The following WDPCP variants were observed in gnomAD, a reference collection of about 807,000 sequenced individuals.
The protein encoded by WDPCP is WD repeat-containing and planar cell polarity effector protein fritz homolog.
Under a neutral mutation model 93.1 loss-of-function variants are expected in WDPCP, and 71 were observed. The ratio of observed to expected loss-of-function variants is 0.76; its 90% CI spans 0.63 to 0.93. The LOEUF is 0.93. Ranked by LOEUF, WDPCP falls within the 40% of genes least tolerant of loss-of-function variation. The pLI is 0.00. For synonymous variants in WDPCP, 315 were observed against 315.0 expected (o/e 1.00, Z 0.00); for missense variants, 844 against 887.4 (o/e 0.95, Z 0.62).
At chr2:63,689,284 T>G (rs1485592844) in intron 2 of WDPCP, among the ~76,000 whole-genome samples, 1 of 152,082 alleles carries the variant, frequency 6.6e-6, no homozygotes, top group African/African-American at 2.4e-5. Context: ...TCTCTGTAAA[T>G]TTTTCTTCAA....
chr2:63,180,108 G>A (rs1362454840), intron 14 of WDPCP, among the ~76,000 whole-genome samples: 2 of 152,152 alleles, frequency 1.3e-5, no homozygotes. Flanking sequence ...GCTAAATACT[G>A]TGAACACATG....
chr2:63,192,595 A>C (rs970450317), intron 14 of WDPCP, among the ~76,000 whole-genome samples: 4 of 152,246 alleles, frequency 2.6e-5, no homozygotes, highest in African/African-American at 9.6e-5. Flanking sequence ...GCTCTAAACC[A>C]ATATCTATTA....
chr2:63,662,784 G>A (rs1388805827), intron 2 of WDPCP, among the ~76,000 whole-genome samples: 1 of 152,192 alleles, frequency 6.6e-6, no homozygotes, highest in Non-Finnish European at 1.5e-5. Context: ...TTTCCTAGGT[G>A]TGTTTGCCAT....
At chr2:63,328,240 T>C (rs963925802) in intron 12 of WDPCP, among the ~76,000 whole-genome samples, 6 of 152,006 alleles carry the variant, frequency 3.9e-5, no homozygotes, top group African/African-American at 1.4e-4. Flanking sequence ...CAGCAGGATG[T>C]GGGTGGGCCC....
intron 14 of WDPCP, among the ~76,000 whole-genome samples, chr2:63,178,840 G>A (rs991022338): frequency 2.4e-4 from 36 of 151,872 alleles, no homozygotes; most frequent in Non-Finnish European, 4.3e-4. Flanking sequence ...TGTAAACATA[G>A]CCATAAACTT....
chr2:63,643,759 C>G (rs1710012408), intron 3 of WDPCP: 1 of 530,560 alleles, frequency 1.9e-6, no homozygotes, highest in Admixed American at 1.9e-5. Context: ...GACATTCTCT[C>G]CAGTCTTGTC....
intron 14 of WDPCP, among the ~76,000 whole-genome samples, chr2:63,221,459 C>T (rs952198598): frequency 2.6e-5 from 4 of 152,122 alleles, no homozygotes; most frequent in South Asian, 2.1e-4. Context: ...AGAGCCATTT[C>T]GATAAGCACA....
chr2:63,302,474 A>G (rs1211189856), intron 13 of WDPCP, among the ~76,000 whole-genome samples: 1 of 152,158 alleles, frequency 6.6e-6, no homozygotes, highest in Admixed American at 6.5e-5. Flanking sequence ...CTCTTTTATA[A>G]TGTTCTTCCA....
At chr2:63,782,844 T>C (rs1670415527) in intron 2 of WDPCP, among the ~76,000 whole-genome samples, 2 of 151,828 alleles carry the variant, frequency 1.3e-5, no homozygotes. Context: ...CCCTCAGGAA[T>C]GGAAAATGGA....
At chr2:63,292,742 G>C (rs1395926684) in intron 13 of WDPCP, among the ~76,000 whole-genome samples, 1 of 152,222 alleles carries the variant, frequency 6.6e-6, no homozygotes, top group Non-Finnish European at 1.5e-5. Context: ...GAAGATGACA[G>C]AGTAGAAAGC....
At chr2:63,296,210 C>A (rs1487222686) in intron 13 of WDPCP, among the ~76,000 whole-genome samples, 28 of 141,432 alleles carry the variant, frequency 2.0e-4, no homozygotes, top group South Asian at 4.5e-4. Context: ...TCAGTAGATG[C>A]AAAAAAAAAA....
chr2:63,231,348 G>C (rs1678861085), intron 14 of WDPCP, among the ~76,000 whole-genome samples: 1 of 152,074 alleles, frequency 6.6e-6, no homozygotes, highest in Non-Finnish European at 1.5e-5. Flanking sequence ...GGCAAGAGAA[G>C]GAAATAAAGA....
intron 17 of WDPCP, among the ~76,000 whole-genome samples, chr2:63,125,306 G>A (rs892532174): frequency 2.0e-5 from 3 of 152,178 alleles, no homozygotes; most frequent in Admixed American, 2.0e-4. Context: ...AGAAAGGAGT[G>A]TACTTAGAAC....
intron 3 of WDPCP, among the ~76,000 whole-genome samples, chr2:63,602,274 A>G (rs1709433127): frequency 6.6e-6 from 1 of 151,796 alleles, no homozygotes; most frequent in African/African-American, 2.4e-5. Flanking sequence ...TATGAAGACC[A>G]GTCGAGTCAT....
chr2:63,283,270 T>G (rs1683710379), intron 13 of WDPCP, among the ~76,000 whole-genome samples: 5 of 152,226 alleles, frequency 3.3e-5, no homozygotes, highest in Admixed American at 2.6e-4. Context: ...CTCAAAGGCC[T>G]GGGCTCAAGC....
At chr2:63,602,046 CT>C (rs943812090) in intron 3 of WDPCP, among the ~76,000 whole-genome samples, 6 of 152,332 alleles carry the variant, frequency 3.9e-5, no homozygotes, top group African/African-American at 1.4e-4. Context: ...CAACTGTGAA[CT>C]AATTTGTGGA....
chr2:63,570,486 G>C (rs1054534236), intron 1 of WDPCP, among the ~76,000 whole-genome samples: 2 of 152,148 alleles, frequency 1.3e-5, no homozygotes, highest in Non-Finnish European at 2.9e-5. Flanking sequence ...TATTAAAATA[G>C]GGGTTGTGAG....
chr2:63,836,513 T>G, the WDPCP span, among the ~76,000 whole-genome samples: 6 of 152,172 alleles, frequency 3.9e-5, no homozygotes, highest in Non-Finnish European at 8.8e-5. Context: ...ATTCTATGAG[T>G]TTGGTAAAAG....
intron 14 of WDPCP, among the ~76,000 whole-genome samples, chr2:63,204,044 T>G (rs909735384): frequency 3.9e-5 from 6 of 152,230 alleles, no homozygotes; most frequent in African/African-American, 1.4e-4. Context: ...TAGACTAATG[T>G]ACCTTCTTTT....
Sources: allele counts gnomAD v4.1 joint callset (sites outside exome capture counted in the v4.1 genomes callset), GRCh38; gene constraint gnomAD v4.1.1; transcripts MANE v1.5; gene names NCBI Gene and HGNC (gene_info 2026-07-23, HGNC 2026-07-21).